RBFOX1: variants seen among roughly 807,000 people sequenced by gnomAD.
RBFOX1 encodes the protein RNA binding protein fox-1 homolog 1.
A neutral mutation model predicts 57.7 loss-of-function variants in RBFOX1; 8 were observed. The ratio of observed to expected loss-of-function variants is 0.14; its 90% confidence interval spans 0.08 to 0.25. The LOEUF (loss-of-function observed/expected upper bound fraction) is 0.25, where lower values mean the gene tolerates loss of function less well. Among genes scored for constraint, RBFOX1 ranks in the 10% least tolerant of loss-of-function variants. The pLI is 1.00. For synonymous variants in RBFOX1, 326 were observed against 222.4 expected, an observed-to-expected ratio of 1.47 and a Z score of -4.15; for missense variants, 611 against 548.5, an observed-to-expected ratio of 1.11 and a Z score of -1.14.
At chr16:7,527,524 GA>G (rs1025649419) in intron 5 of RBFOX1, among the ~76,000 whole-genome samples, 1 of 151,762 alleles carries the variant, frequency 6.6e-6, no homozygotes, top group Admixed American at 6.6e-5. Flanking sequence ...TATGACAGGT[GA>G]AAAAAAATGG....
At chr16:5,427,360 G>A (rs974058605) in intron 1 of RBFOX1, among the ~76,000 whole-genome samples, 3 of 152,216 alleles carry the variant, frequency 2.0e-5, no homozygotes, top group Non-Finnish European at 4.4e-5. Flanking sequence ...AGAGGTGGGT[G>A]GATCACCTGA....
At chr16:5,712,858 C>T (rs367702685) in intron 3 of RBFOX1, among the ~76,000 whole-genome samples, 3 of 152,186 alleles carry the variant, frequency 2.0e-5, no homozygotes, top group Admixed American at 6.5e-5. Flanking sequence ...CTTCCACCCC[C>T]ACTCCATTTC....
chr16:7,507,011 A>G (rs1204400452), intron 4 of RBFOX1, among the ~76,000 whole-genome samples: 1 of 152,198 alleles, frequency 6.6e-6, no homozygotes, highest in East Asian at 1.9e-4. Flanking sequence ...AAAGCATCGT[A>G]AGAGTCTCAC....
chr16:7,529,144 C>T (rs896428510), intron 5 of RBFOX1, among the ~76,000 whole-genome samples: 5 of 152,026 alleles, frequency 3.3e-5, no homozygotes, highest in African/African-American at 1.2e-4. Context: ...ACTTGTCATC[C>T]CCACTGCTCG....
Position 7,084,310 on chromosome 16 carries a change from C to T in RBFOX1, c.27+32212C>T, listed in dbSNP as rs1008632234. Among the ~76,000 whole-genome samples the T allele has an allele frequency of 1.1e-4, 17 of 151,544 alleles. 1 individual carries two copies. Among genetic ancestry groups the T allele is most frequent in the African/African-American group, 3.9e-4 (16 of 41,222 alleles). ...TGTATGAAATACATATATACACACA[C>T]ACTTATATGTGAGGGAGTAGTGGAG... On this transcript the variant is annotated intron_variant, in intron 4 of 15. Transcript: ENST00000550418.
chr16:6,831,028 C>A (rs957800419), intron 3 of RBFOX1, among the ~76,000 whole-genome samples: 1 of 152,124 alleles, frequency 6.6e-6, no homozygotes, highest in Non-Finnish European at 1.5e-5. Context: ...AAGCCTTTTC[C>A]CAATTGATCT....
chr16:5,674,647 A>G (rs1245845741), intron 3 of RBFOX1, among the ~76,000 whole-genome samples: 3 of 152,202 alleles, frequency 2.0e-5, no homozygotes, highest in Non-Finnish European at 4.4e-5. Flanking sequence ...GGGTTTTGCC[A>G]TTACTTTTAA....
chr16:6,652,512 C>G (rs888476259), intron 2 of RBFOX1, among the ~76,000 whole-genome samples: 8 of 151,884 alleles, frequency 5.3e-5, no homozygotes, highest in African/African-American at 1.9e-4. Context: ...TATAGAGCAG[C>G]AGCTATGTGA....
intron 14 of RBFOX1, among the ~76,000 whole-genome samples, chr16:7,689,984 C>G (rs1243066402): frequency 1.3e-5 from 2 of 152,028 alleles, no homozygotes; most frequent in East Asian, 3.9e-4. Flanking sequence ...GCATGGTGGC[C>G]AAACAGAAGC....
In RBFOX1 at chr16:5,488,605, G is replaced by A. The variant is rs142396708; in HGVS notation, c.258+21351G>A. 1.0e-3 allele frequency among the ~76,000 whole-genome samples: 13 copies of A among 12,750 alleles called. 1 individual carries two copies. Among genetic ancestry groups the A allele is most frequent in the African/African-American group, 2.3e-3 (10 of 4,338 alleles). 8.4% of individuals were successfully genotyped at this position (12,750 alleles called of 152,430 possible). A position where few individuals can be genotyped will look rare whatever the true frequency, so the allele number is the denominator to read the frequency against. On this transcript the variant is annotated intron_variant, in intron 2 of 2. Transcript: ENST00000585867. ...ATGATTGAAGATGATGGTGTGGTGG[G>A]GCGTGATGGTGATGATAATGGAGGA...
chr16:6,349,326 A>T (rs1297718162), intron 2 of RBFOX1, among the ~76,000 whole-genome samples: 2 of 152,162 alleles, frequency 1.3e-5, no homozygotes. Flanking sequence ...ACCTCTTAGA[A>T]GTTTTGTCAG....
chr16:5,720,745 A>G (rs187017773), intron 3 of RBFOX1, among the ~76,000 whole-genome samples: 20 of 152,324 alleles, frequency 1.3e-4, no homozygotes, highest in Admixed American at 1.3e-3. Context: ...TCGTAAATAA[A>G]AGGATTTATT....
At chr16:6,151,753 G>T (rs966267032) in intron 1 of RBFOX1, among the ~76,000 whole-genome samples, 1 of 152,194 alleles carries the variant, frequency 6.6e-6, no homozygotes, top group East Asian at 1.9e-4. Flanking sequence ...GTGGGTATGA[G>T]GGAGTGAAGA....
chr16:7,504,372 A>C (rs1280815921), intron 4 of RBFOX1, among the ~76,000 whole-genome samples: 1 of 151,944 alleles, frequency 6.6e-6, no homozygotes, highest in Non-Finnish European at 1.5e-5. Context: ...TGATTAATCT[A>C]CCTGGGTTCT....
rs527413983 is a variant in RBFOX1 at position 6,483,951 on chromosome 16, G to C, written c.-64+166894G>C. ...GAGCTCCAGCTCCGGGGACCTCGGA[G>C]ACTGTGCTCAGGGCTCGCCCTGGGT... On this transcript the variant is annotated intron_variant, in intron 2 of 15. Coordinates refer to ENST00000550418, the MANE Select transcript of RBFOX1 (RefSeq NM_018723.4). 1.6e-5 allele frequency: 17 copies of C among 1,055,274 alleles called. No homozygotes were observed. The South Asian group carries it at 4.9e-4, about 30-fold the overall frequency. 65.4% of individuals were successfully genotyped at this position (1,055,274 alleles called of 1,614,324 possible).
intron 2 of RBFOX1, among the ~76,000 whole-genome samples, chr16:5,493,344 C>A (rs1392229112): frequency 1.3e-5 from 2 of 152,150 alleles, no homozygotes; most frequent in Non-Finnish European, 2.9e-5. Flanking sequence ...AGTCCTATGA[C>A]CCACCATGCT....
chr16:5,934,262 C>T (rs1250417998), intron 4 of RBFOX1, among the ~76,000 whole-genome samples: 1 of 152,226 alleles, frequency 6.6e-6, no homozygotes, highest in Non-Finnish European at 1.5e-5. Context: ...CTCCAAAGCT[C>T]CCCAGCTTCC....
intron 2 of RBFOX1, among the ~76,000 whole-genome samples, chr16:6,475,855 C>T (rs1271216910): frequency 2.6e-5 from 4 of 152,170 alleles, no homozygotes; most frequent in Non-Finnish European, 5.9e-5. Context: ...TAACTTCTAG[C>T]AGAAAGGATA....
rs1158496320 is a variant in RBFOX1 at position 7,349,082 on chromosome 16, A to G, written c.28-169065A>G. Among the ~76,000 whole-genome samples the G allele has an allele frequency of 2.0e-5, 3 of 152,202 alleles. No individual in the cohort carries two copies. The East Asian group carries it at 5.8e-4, about 29-fold the overall frequency. ...AAATGTGCTAGTTTTGGAGAAAATA[A>G]AAATTTCATGACCACGATGGAGGTG... On this transcript the variant is annotated intron_variant, in intron 4 of 15. Transcript: ENST00000550418.
Sources: allele counts gnomAD v4.1 joint callset (sites outside exome capture counted in the v4.1 genomes callset), GRCh38; gene constraint gnomAD v4.1.1; transcripts MANE v1.5; gene names NCBI Gene and HGNC (gene_info 2026-07-23, HGNC 2026-07-21).